Variants in EVL observed in about 807,000 individuals in gnomAD.
The protein encoded by EVL is Enah/Vasp-like.
In EVL, 21 loss-of-function variants were observed where a neutral mutation model predicts 59.6. The observed-to-expected ratio is 0.35, with a 90% CI of 0.25 to 0.51. EVL has a LOEUF of 0.51. EVL is among the 20% of genes least tolerant of loss of function. The pLI is 0.97. For missense variants in EVL, 462 were observed against 546.6 expected (o/e 0.85, Z 1.54); for synonymous variants, 198 against 203.5 (o/e 0.97, Z 0.23).
rs1040273139 is a variant in EVL, at chr14:100,023,575, C to T, written c.5+51518C>T. ...CTCCTGACCTCAGGTGATCCCCCTG[C>T]CTCGGCCTCCCAAAGTGCTGGGATT... is the stretch of plus-strand genomic sequence containing the variant. On this transcript the variant is annotated intron_variant, in intron 1 of 13. Coordinates refer to the EVL transcript ENST00000402714. Among the ~76,000 whole-genome samples, 60 of 151,780 alleles carry T rather than the reference C, an allele frequency of 4.0e-4. 4 individuals are homozygous for T. The highest frequency in any genetic ancestry group is 7.4e-5 in the Non-Finnish European group (5 of 67,982).
chr14:100,124,988 G>A (rs1230677613), intron 4 of EVL, among the ~76,000 whole-genome samples: 3 of 151,402 alleles, frequency 2.0e-5, no homozygotes, highest in Non-Finnish European at 4.4e-5. Context: ...GCTGCAAGAC[G>A]AGACCACACA....
At position 100,085,923 on chromosome 14, in the gene EVL, C is replaced by G. The variant is rs182378303; in HGVS notation, c.180+1068C>G. 2.0e-4 allele frequency among the ~76,000 whole-genome samples: 31 copies of G among 152,216 alleles called. No homozygotes were observed. The East Asian group carries it at 5.8e-3, about 28-fold the overall frequency. On this transcript the variant is annotated intron_variant, in intron 2 of 13. Coordinates refer to ENST00000392920, the MANE Select transcript of EVL (RefSeq NM_016337.3). ...CGGGTGGATTACAAGGTCAGGAGTT[C>G]AAGACCAGCCTGGCTAACACGGCGA...
intron 1 of EVL, among the ~76,000 whole-genome samples, chr14:100,057,432 G>A (rs2061752087): frequency 6.6e-6 from 1 of 152,006 alleles, no homozygotes; most frequent in Non-Finnish European, 1.5e-5. Flanking sequence ...TCCAGATGCT[G>A]TAACTCTGGA....
rs545186888 is a variant in EVL at position 99,981,192 on chromosome 14, T to A, written c.5+9135T>A. On this transcript the variant is annotated intron_variant, in intron 1 of 13. Coordinates refer to the EVL transcript ENST00000402714. ...ACCTGTAATCCCAGCACTTTGGGAG[T>A]TTGAGGCAGTGGATTGATCACCTGA... Among the ~76,000 whole-genome samples the A allele has an allele frequency of 5.3e-5, 8 of 150,996 alleles. No individual in the cohort carries two copies. The East Asian group carries it at 1.6e-3, about 29-fold the overall frequency.
At chr14:100,042,554 G>A (rs1364119754) in intron 1 of EVL, among the ~76,000 whole-genome samples, 10 of 152,158 alleles carry the variant, frequency 6.6e-5, no homozygotes, top group South Asian at 2.1e-4. Flanking sequence ...TGGGCCCAGC[G>A]ACCTCTGGCC....
At chr14:100,097,992 G>A (rs568726329) in intron 3 of EVL, among the ~76,000 whole-genome samples, 119 of 152,246 alleles carry the variant, frequency 7.8e-4, no homozygotes, top group African/African-American at 2.9e-3. Context: ...AAACAGTCAA[G>A]AATTTATTTT....
intron 9 of EVL, chr14:100,137,279 G>T (rs952799320): frequency 4.3e-6 from 2 of 461,516 alleles, no homozygotes; most frequent in South Asian, 2.5e-5. Context: ...CGGGGAGGTC[G>T]TGCTTGCTCG....
intron 1 of EVL, among the ~76,000 whole-genome samples, chr14:100,020,355 G>A (rs2061099971): frequency 1.3e-5 from 2 of 152,108 alleles, no homozygotes; most frequent in African/African-American, 2.4e-5. Context: ...GGGAAGGGAT[G>A]TTCCAATAGA....
At chr14:100,013,103 C>T (rs570968166) in intron 1 of EVL, among the ~76,000 whole-genome samples, 11 of 152,016 alleles carry the variant, frequency 7.2e-5, no homozygotes, top group African/African-American at 2.4e-4. Flanking sequence ...CTAGTTCCAT[C>T]CCCAGGGACT....
At chr14:99,971,802 C>T (rs1173380106) in exon 1 of EVL, 1 of 146,350 alleles carries the variant, frequency 6.8e-6, no homozygotes, top group African/African-American at 2.5e-5. Context: ...GGCCCGGGCA[C>T]GCGCCCGCCA....
At chr14:100,034,728 A>AC (rs975509265) in intron 1 of EVL, among the ~76,000 whole-genome samples, 5 of 151,852 alleles carry the variant, frequency 3.3e-5, no homozygotes, top group Non-Finnish European at 7.4e-5. Context: ...ACAGAGTGAG[A>AC]CCCCAACTCT....
At chr14:100,046,305 T>G (rs2061544921) in intron 1 of EVL, among the ~76,000 whole-genome samples, 1 of 152,204 alleles carries the variant, frequency 6.6e-6, no homozygotes, top group African/African-American at 2.4e-5. Flanking sequence ...TGAGTATATA[T>G]GAGGCTTAGG....
rs535363958 is a variant in EVL at position 99,992,300 on chromosome 14, G to GT, written c.5+20250dup. Among the ~76,000 whole-genome samples, 4 of 151,950 alleles carry GT rather than the reference G, an allele frequency of 2.6e-5. No individual in the cohort carries two copies. The East Asian group carries it at 7.7e-4, about 29-fold the overall frequency. On this transcript the variant is annotated intron_variant, in intron 1 of 13. Coordinates refer to the EVL transcript ENST00000402714. ...CACTTGCTCATTTATTAAATGGGTC[G>GT]TTTTTTTCATTGTTGAGCTATAGGA...
At position 100,109,252 on chromosome 14, in the gene EVL, C is replaced by G. The variant is rs1463321111; in HGVS notation, c.358+11594C>G. ...CCTTCTTCAGTCTGTCCTCCCTGGG[C>G]TGCGTCTAAAGGGGCCCCGCCCCTG... On this transcript the variant is annotated intron_variant, in intron 3 of 13. Transcript: ENST00000392920. This position sits in a 1 kb window ranked among gnomAD's most constrained non-coding sequence, Gnocchi z 4.3. Among the ~76,000 whole-genome samples the G allele has an allele frequency of 6.6e-6, 1 of 152,230 alleles. No homozygotes were observed. Among genetic ancestry groups the G allele is most frequent in the East Asian group, 1.9e-4 (1 of 5,182 alleles).
chr14:99,978,109 A>AGGCATGGATGT (rs2060782354), intron 1 of EVL: 1 of 150,796 alleles, frequency 6.6e-6, no homozygotes. Flanking sequence ...AAAAAAAAAA[A>AGGCATGGATGT]AAAAGTCAGC....
chr14:100,127,327 T>C lies in EVL; in HGVS notation c.487+556T>C, dbSNP rs1236235061. Among the ~76,000 whole-genome samples, 2 of 152,222 alleles carry C rather than the reference T, an allele frequency of 1.3e-5. No individual in the cohort carries two copies. The highest frequency in any genetic ancestry group is 2.9e-5 in the Non-Finnish European group (2 of 68,038). On this transcript the variant is annotated intron_variant, in intron 5 of 13. Transcript: ENST00000392920. This position sits in a 1 kb window ranked among gnomAD's most constrained non-coding sequence, Gnocchi z 4.2. ...ACTGATAGGCAAAGGACTGGATAAT[T>C]TACCAAGTGCTTTCATGTCCTTTGT...
chr14:100,118,031 C>T (rs1483794160), intron 3 of EVL, among the ~76,000 whole-genome samples: 1 of 152,182 alleles, frequency 6.6e-6, no homozygotes, highest in African/African-American at 2.4e-5. Context: ...GTGAGCAAAA[C>T]AGTTATGTCC....
intron 1 of EVL, chr14:100,066,374 G>A (rs2061930578): frequency 1.3e-5 from 2 of 152,150 alleles, no homozygotes; most frequent in African/African-American, 4.8e-5. Flanking sequence ...AAAGTTGTGG[G>A]GTTTGTCCAA....
At chr14:100,118,104 C>G (rs2140358072) in intron 3 of EVL, among the ~76,000 whole-genome samples, 1 of 152,342 alleles carries the variant, frequency 6.6e-6, no homozygotes, top group South Asian at 2.1e-4. Context: ...CTGGTATGTG[C>G]AAGCATATGT....
Sources: allele counts gnomAD v4.1 joint callset (sites outside exome capture counted in the v4.1 genomes callset), GRCh38; gene constraint gnomAD v4.1.1; non-coding constraint Gnocchi (gnomAD v3.1); transcripts MANE v1.5; gene names NCBI Gene and HGNC (gene_info 2026-07-23, HGNC 2026-07-21).